Variants in NFIL3 observed in about 807,000 individuals in gnomAD.
The protein encoded by NFIL3 is nuclear factor, interleukin 3 regulated, also known as nuclear factor interleukin-3-regulated protein.
NFIL3 carries 5 observed loss-of-function variants against 10.0 expected under a neutral mutation model. The observed-to-expected ratio is 0.50, with a 90% CI of 0.26 to 1.06. The LOEUF is 1.06. Among genes scored for constraint, NFIL3 ranks in the 50% least tolerant of loss-of-function variants. The pLI is 0.13. For missense variants in NFIL3, 436 were observed against 547.6 expected, an observed-to-expected ratio of 0.80 and a Z score of 2.03; for synonymous variants, 202 against 206.5, an observed-to-expected ratio of 0.98 and a Z score of 0.19.
intron 1 of NFIL3, among the ~76,000 whole-genome samples, chr9:91,420,584 T>A (rs1833744068): frequency 6.6e-6 from 1 of 152,182 alleles, no homozygotes; most frequent in Non-Finnish European, 1.5e-5. Context: ...GATCTGTACC[T>A]CACCGAAACC....
the NFIL3 span, among the ~76,000 whole-genome samples, chr9:91,455,315 G>C: frequency 1.7e-3 from 253 of 152,252 alleles, no homozygotes; most frequent in African/African-American, 5.8e-3. Flanking sequence ...CTGATGTTGA[G>C]TTTCTATTTC....
rs1833817494 is a variant in NFIL3 at position 91,423,692 on chromosome 9, G to C, written c.-225C>G. Reference sequence around the variant, plus strand: ...AGAAAGAAAGGGGCGGCCGGGAGTCGGGCCGCCGGCGCTCGGGGCTCGGGC... The same window carrying C: ...AGAAAGAAAGGGGCGGCCGGGAGTCCGGCCGCCGGCGCTCGGGGCTCGGGC... On this transcript the variant is annotated 5_prime_UTR_variant, in exon 1 of 2. Coordinates refer to ENST00000297689, the MANE Select transcript of NFIL3 (RefSeq NM_005384.3). The C allele has an allele frequency of 6.8e-6, 1 of 146,050 alleles. No individual in the cohort carries two copies. Among genetic ancestry groups the C allele is most frequent in the African/African-American group, 2.5e-5 (1 of 40,692 alleles). The allele number at this position is 146,050 out of a possible 1,614,324, so 9.0% of individuals were successfully genotyped here.
chr9:91,409,222 A>T lies in NFIL3; in HGVS notation c.*124T>A. On this transcript the variant is annotated 3_prime_UTR_variant, in exon 2 of 2. Coordinates refer to ENST00000297689, the MANE Select transcript of NFIL3 (RefSeq NM_005384.3). ...CTGTGCACAAAAAGACACCAAACAGACAACATGTGCACATCACAGTGAAAT... is the reference window on the plus strand; with the variant it reads ...CTGTGCACAAAAAGACACCAAACAGTCAACATGTGCACATCACAGTGAAAT... 1.1e-6 allele frequency: 1 copy of T among 888,298 alleles called. No individual in the cohort carries two copies. The highest frequency in any genetic ancestry group is 1.7e-6 in the Non-Finnish European group (1 of 594,520). 55.0% of individuals were successfully genotyped at this position (888,298 alleles called of 1,614,324 possible).
chr9:91,458,962 A>G, the NFIL3 span, among the ~76,000 whole-genome samples: 2 of 152,186 alleles, frequency 1.3e-5, no homozygotes, highest in Non-Finnish European at 2.9e-5. Context: ...TGAATACAAT[A>G]ATTTTTAGAA....
the NFIL3 span, among the ~76,000 whole-genome samples, chr9:91,440,571 T>C: frequency 6.6e-6 from 1 of 152,248 alleles, no homozygotes; most frequent in Admixed American, 6.5e-5. Context: ...TTCTTCTTTT[T>C]CTAGTTCTTG....
the NFIL3 span, among the ~76,000 whole-genome samples, chr9:91,439,146 G>A: frequency 6.6e-6 from 1 of 151,992 alleles, no homozygotes; most frequent in Non-Finnish European, 1.5e-5. Flanking sequence ...TGTATTCATG[G>A]GCATGGGATA....
At chr9:91,452,812 A>G in the NFIL3 span, among the ~76,000 whole-genome samples, 1 of 150,340 alleles carries the variant, frequency 6.7e-6, no homozygotes, top group Non-Finnish European at 1.5e-5. Context: ...AAAAAAAGCA[A>G]GCTGTACCTC....
At chr9:91,471,877 G>A in the NFIL3 span, among the ~76,000 whole-genome samples, 1 of 152,116 alleles carries the variant, frequency 6.6e-6, no homozygotes, top group Non-Finnish European at 1.5e-5. Flanking sequence ...CTTCCTTCAG[G>A]AGCTCTTGTA....
chr9:91,470,815 T>A, the NFIL3 span, among the ~76,000 whole-genome samples: 2 of 152,220 alleles, frequency 1.3e-5, no homozygotes, highest in Non-Finnish European at 2.9e-5. Flanking sequence ...TCAGTTTCCA[T>A]GTAGTTGTGT....
the NFIL3 span, among the ~76,000 whole-genome samples, chr9:91,445,307 G>A: frequency 3.9e-5 from 6 of 152,302 alleles, no homozygotes; most frequent in African/African-American, 1.4e-4. Context: ...GAGAATGTGA[G>A]GCATGACAGT....
At chr9:91,455,106 G>T in the NFIL3 span, among the ~76,000 whole-genome samples, 4 of 152,104 alleles carry the variant, frequency 2.6e-5, no homozygotes, top group Non-Finnish European at 5.9e-5. Context: ...CGAATATGAG[G>T]GTGATGTTCC....
chr9:91,459,621 G>A, the NFIL3 span, among the ~76,000 whole-genome samples: 1 of 152,130 alleles, frequency 6.6e-6, no homozygotes, highest in African/African-American at 2.4e-5. Context: ...GGAGTTCAAG[G>A]CTGCAGTGAA....
At chr9:91,418,910 C>A (rs57936218) in intron 1 of NFIL3, among the ~76,000 whole-genome samples, 1 of 150,380 alleles carries the variant, frequency 6.6e-6, no homozygotes, top group Admixed American at 6.6e-5. Flanking sequence ...TGAAAGATAA[C>A]TGGGGTAGTA....
the NFIL3 span, among the ~76,000 whole-genome samples, chr9:91,445,522 G>A: frequency 3.3e-4 from 50 of 152,268 alleles, no homozygotes; most frequent in Admixed American, 5.9e-4. Flanking sequence ...AGGTGGGGTA[G>A]AACAGCTCAG....
At chr9:91,440,395 CT>C in the NFIL3 span, among the ~76,000 whole-genome samples, 1 of 151,832 alleles carries the variant, frequency 6.6e-6, no homozygotes, top group Non-Finnish European at 1.5e-5. Context: ...TCTTTTCTCT[CT>C]TTTTTGCTAG....
upstream of NFIL3, among the ~76,000 whole-genome samples, chr9:91,425,304 T>C (rs1301185928): frequency 1.3e-5 from 2 of 152,214 alleles, no homozygotes; most frequent in African/African-American, 2.4e-5. Context: ...CTCGCCAAGA[T>C]TGTCTTTTCT....
intron 1 of NFIL3, among the ~76,000 whole-genome samples, chr9:91,415,472 C>T (rs1833636431): frequency 6.6e-6 from 1 of 152,184 alleles, no homozygotes; most frequent in African/African-American, 2.4e-5. Flanking sequence ...TTACTCTCTC[C>T]TACACTTTCA....
the NFIL3 span, among the ~76,000 whole-genome samples, chr9:91,477,175 A>G: frequency 2.6e-5 from 4 of 152,092 alleles, no homozygotes; most frequent in African/African-American, 9.7e-5. Flanking sequence ...TCCTGTCTGG[A>G]GAGTCAGGGA....
chr9:91,481,136 AACAACG>A, the NFIL3 span, among the ~76,000 whole-genome samples: 1 of 152,244 alleles, frequency 6.6e-6, no homozygotes, highest in Non-Finnish European at 1.5e-5. Context: ...TCCTTCAGCT[AACAACG>A]ATTCTTAGCC....
Sources: allele counts gnomAD v4.1 joint callset (sites outside exome capture counted in the v4.1 genomes callset), GRCh38; gene constraint gnomAD v4.1.1; transcripts MANE v1.5; gene names NCBI Gene and HGNC (gene_info 2026-07-23, HGNC 2026-07-21).